The following TSC22D3 variants were observed in gnomAD, a reference collection of about 807,000 sequenced individuals.
TSC22D3 encodes the protein TSC22 domain family member 3.
In TSC22D3, 4 loss-of-function variants were observed where a neutral mutation model predicts 11.1. That is an observed-to-expected ratio of 0.36 (90% CI 0.18 to 0.83). The LOEUF is 0.83. Among genes scored for constraint, TSC22D3 ranks in the 40% least tolerant of loss-of-function variants. The probability of loss-of-function intolerance (pLI) is 0.48; values close to 1 mark genes in which losing one functional copy is unlikely to be tolerated. For missense variants in TSC22D3, 118 were observed against 159.4 expected (o/e 0.74, Z 1.40); for synonymous variants, 77 against 70.3 (o/e 1.10, Z -0.48).
chrX:107,725,237 G>A (rs768001559), intron 1 of TSC22D3, among the ~76,000 whole-genome samples: 1 of 112,482 alleles, frequency 8.9e-6, no homozygotes, highest in Non-Finnish European at 1.9e-5. Context: ...CTAAATTATA[G>A]TATTACTTTC....
intron 1 of TSC22D3, among the ~76,000 whole-genome samples, chrX:107,752,318 T>C (rs1928968608): frequency 8.9e-6 from 1 of 112,101 alleles, no homozygotes; most frequent in African/African-American, 3.2e-5. Flanking sequence ...GAGGCATTTA[T>C]CCAGAATTCA....
Position 107,775,466 on chromosome X carries a change from G to T in TSC22D3, c.-47C>A. The T allele has an allele frequency of 1.9e-6, 2 of 1,079,297 alleles. No homozygotes were observed. The highest frequency in any genetic ancestry group is 2.5e-6 in the Non-Finnish European group (2 of 810,602). 88.9% of individuals were successfully genotyped at this position (1,079,297 alleles called of 1,213,427 possible). A position where few individuals can be genotyped will look rare whatever the true frequency, so the allele number is the denominator to read the frequency against. ...CTGGCCTGCGAGGTCAGGGGCGGCT[G>T]GCAGGTGCGCGCCCACCGAGCTGGC... On this transcript the variant is annotated 5_prime_UTR_variant, in exon 1 of 3. Coordinates refer to ENST00000372383, the MANE Select transcript of TSC22D3 (RefSeq NM_198057.3).
intron 1 of TSC22D3, among the ~76,000 whole-genome samples, chrX:107,741,922 G>A (rs900352044): frequency 8.9e-6 from 1 of 111,785 alleles, no homozygotes; most frequent in Non-Finnish European, 1.9e-5. Context: ...TCCAGCTGTT[G>A]GGCGGGCTGT....
intron 1 of TSC22D3, among the ~76,000 whole-genome samples, chrX:107,730,938 C>T (rs1338791925): frequency 8.9e-6 from 1 of 111,899 alleles, no homozygotes; most frequent in Non-Finnish European, 1.9e-5. Context: ...TAGCAATGCC[C>T]GCTTTAAGAG....
chrX:107,738,185 C>T (rs941114783), intron 1 of TSC22D3, among the ~76,000 whole-genome samples: 9 of 112,519 alleles, frequency 8.0e-5, no homozygotes, highest in Admixed American at 2.8e-4. Flanking sequence ...GAAGCAGCCC[C>T]GTCTTTTCTG....
chrX:107,735,442 G>A (rs1229810037), intron 1 of TSC22D3, among the ~76,000 whole-genome samples: 3 of 111,353 alleles, frequency 2.7e-5, no homozygotes, highest in African/African-American at 9.8e-5. Flanking sequence ...ATGGGCCCTT[G>A]ATCTCACTCT....
At chrX:107,774,531 C>T (rs764836029) in intron 1 of TSC22D3, among the ~76,000 whole-genome samples, 4 of 111,560 alleles carry the variant, frequency 3.6e-5, no homozygotes, top group African/African-American at 1.3e-4. Flanking sequence ...AGGCGAATCC[C>T]TCCCATCCAG....
chrX:107,775,060 G>C, intron 1 of TSC22D3, 40 bp downstream of exon 1: 1 of 1,190,249 alleles, frequency 8.4e-7, no homozygotes, highest in Non-Finnish European at 1.1e-6. Flanking sequence ...AGGCTGGTGG[G>C]AGCAAGGACC....
intron 1 of TSC22D3, among the ~76,000 whole-genome samples, chrX:107,740,076 G>A (rs1179305553): frequency 8.9e-6 from 1 of 112,134 alleles, no homozygotes; most frequent in Non-Finnish European, 1.9e-5. Context: ...AATATTGTAT[G>A]TATCACTTCC....
rs144619048 is a variant in TSC22D3 at position 107,775,182 on chromosome X, C to G, written c.238G>C (p.Asp80His). The G allele has an allele frequency of 6.6e-6, 8 of 1,210,347 alleles. No individual in the cohort carries two copies. Among genetic ancestry groups the G allele is most frequent in the African/African-American group, 5.2e-5 (3 of 57,223 alleles). Residue 80 changes from aspartate to histidine, a missense_variant, in exon 1 of 3, where the codon GAC (aspartate) becomes CAC (histidine). Physicochemically the swap from Asp to His is moderately conservative, Grantham distance 81. Transcript: ENST00000372383. ...CCCTCGTTGATCAGGTAGCAGGGGT[C>G]CCGCAGCACCGGCTCTAGCGAATCC... ...RQDSLEPVLR[D>H]PCYLINEGIC...
intron 1 of TSC22D3, chrX:107,774,863 A>G: frequency 2.3e-6 from 1 of 428,395 alleles, no homozygotes; most frequent in Non-Finnish European, 4.0e-6. Context: ...TCTAGGCCCC[A>G]GCGTCCCCAT....
At chrX:107,761,908 C>T (rs1253293439) in intron 1 of TSC22D3, among the ~76,000 whole-genome samples, 4 of 112,267 alleles carry the variant, frequency 3.6e-5, no homozygotes, top group African/African-American at 1.3e-4. Flanking sequence ...CATGTCTTTA[C>T]ATAATGAATT....
At chrX:107,751,245 C>T (rs1928918433) in intron 1 of TSC22D3, among the ~76,000 whole-genome samples, 2 of 111,730 alleles carry the variant, frequency 1.8e-5, no homozygotes, top group South Asian at 7.6e-4. Flanking sequence ...CAGTCTTTGT[C>T]CCCTTTCTTC....
intron 1 of TSC22D3, chrX:107,716,242 A>G (rs970992571): frequency 1.2e-5 from 11 of 909,606 alleles, no homozygotes; most frequent in Non-Finnish European, 1.5e-5. Flanking sequence ...TGCTCGGGCA[A>G]TATGCAAACA....
chrX:107,750,238 G>GT (rs540325217), intron 1 of TSC22D3, among the ~76,000 whole-genome samples: 1,149 of 99,977 alleles, frequency 0.011, 6 homozygotes, highest in African/African-American at 0.021. Context: ...TTCTCGCTTA[G>GT]TTTTTTTTTT....
chrX:107,727,484 AC>A (rs768763538), intron 1 of TSC22D3, among the ~76,000 whole-genome samples: 6 of 112,011 alleles, frequency 5.4e-5, no homozygotes, highest in African/African-American at 1.9e-4. Context: ...GGAAACATAA[AC>A]AAATCATTTT....
At chrX:107,716,545 T>TGGGCG in intron 1 of TSC22D3, 1 of 796,099 alleles carries the variant, frequency 1.3e-6, no homozygotes, top group Non-Finnish European at 1.5e-6. Context: ...CCTTCCTGCG[T>TGGGCG]CCCCTCCCCC....
chrX:107,718,236 A>G (rs1375934685), intron 1 of TSC22D3, among the ~76,000 whole-genome samples: 1 of 112,509 alleles, frequency 8.9e-6, no homozygotes, highest in African/African-American at 3.2e-5. Flanking sequence ...GCTCCTTCCT[A>G]AGTGAGGCCA....
At chrX:107,752,416 T>C (rs759488904) in intron 1 of TSC22D3, among the ~76,000 whole-genome samples, 1 of 112,096 alleles carries the variant, frequency 8.9e-6, no homozygotes, top group African/African-American at 3.2e-5. Flanking sequence ...CTTTCCCTAC[T>C]CAACTTCAAG....
Sources: gnomAD v4.1 joint callset for allele counts (sites outside exome capture counted in the v4.1 genomes callset) on GRCh38, gnomAD v4.1.1 for gene constraint, MANE v1.5 for transcripts, NCBI Gene and HGNC (gene_info 2026-07-23, HGNC 2026-07-21) for gene names.